The following ITPR2 variants were observed in gnomAD, a reference collection of about 807,000 sequenced individuals.
ITPR2 encodes inositol 1,4,5-trisphosphate receptor type 2, also known as inositol 1,4,5-trisphosphate-gated calcium channel ITPR2.
ITPR2 carries 207 observed loss-of-function variants against 317.1 expected under a neutral mutation model. The ratio of observed to expected loss-of-function variants is 0.65; its 90% CI spans 0.58 to 0.73. The LOEUF is 0.73. Among genes scored for constraint, ITPR2 ranks in the 30% least tolerant of loss-of-function variants. ITPR2 has a pLI of 0.00. For missense variants in ITPR2, 2,613 were observed against 3,284.0 expected (o/e 0.80, Z 4.99); for synonymous variants, 1,156 against 1,149.1 (o/e 1.01, Z -0.12).
intron 1 of ITPR2, among the ~76,000 whole-genome samples, chr12:26,813,724 C>T (rs551922487): frequency 1.3e-5 from 2 of 152,196 alleles, no homozygotes; most frequent in South Asian, 4.1e-4. Context: ...TAAAAGGACT[C>T]GGATAATTCT....
At chr12:26,722,642 T>G (rs1948856885) in intron 4 of ITPR2, 87 bp from the exon 5 acceptor site, 2 of 921,572 alleles carry the variant, frequency 2.2e-6, no homozygotes, top group African/African-American at 3.3e-5. Flanking sequence ...GTATCATATA[T>G]TCATCTAACA....
chr12:26,431,470 C>T (rs543471789), intron 48 of ITPR2, among the ~76,000 whole-genome samples: 11 of 152,266 alleles, frequency 7.2e-5, no homozygotes, highest in African/African-American at 2.2e-4. Flanking sequence ...GAGAAGCATA[C>T]CTTAAACAAA....
intron 19 of ITPR2, 132 bp from the exon 20 acceptor site, chr12:26,655,984 C>A (rs1387353929): frequency 4.6e-6 from 4 of 875,662 alleles, no homozygotes; most frequent in Non-Finnish European, 7.0e-6. Flanking sequence ...GGGTCCTCAT[C>A]TGTAAAATGG....
chr12:26,478,350 C>T (rs886160579), intron 43 of ITPR2, among the ~76,000 whole-genome samples: 8 of 151,858 alleles, frequency 5.3e-5, no homozygotes, highest in South Asian at 2.1e-4. Context: ...AAATCCACTT[C>T]GACAATCTAG....
At chr12:26,815,751 T>TA (rs1386773632) in intron 1 of ITPR2, among the ~76,000 whole-genome samples, 1 of 152,120 alleles carries the variant, frequency 6.6e-6, no homozygotes, top group African/African-American at 2.4e-5. Flanking sequence ...AAATAATAGA[T>TA]AAGGCAATAT....
At chr12:26,375,362 A>G (rs932345130) in intron 55 of ITPR2, among the ~76,000 whole-genome samples, 11 of 152,198 alleles carry the variant, frequency 7.2e-5, no homozygotes, top group African/African-American at 2.7e-4. Flanking sequence ...GCTTCCATAT[A>G]CTGAACATGT....
chr12:26,447,373 G>A (rs1157322695), intron 45 of ITPR2, among the ~76,000 whole-genome samples: 1 of 151,908 alleles, frequency 6.6e-6, no homozygotes, highest in Non-Finnish European at 1.5e-5. Flanking sequence ...AGTTATTTAT[G>A]TACTCATATG....
rs140023853 is a variant in ITPR2 at position 26,732,396 on chromosome 12, A to G, written c.164-6631T>C. Among the ~76,000 whole-genome samples, 265 of 152,312 alleles carry G rather than the reference A, an allele frequency of 1.7e-3. 1 individual carries two copies. The highest frequency in any genetic ancestry group is 3.1e-3 in the Non-Finnish European group (210 of 68,014). On this transcript the variant is annotated intron_variant, in intron 2 of 56. Coordinates refer to ENST00000381340, the MANE Select transcript of ITPR2 (RefSeq NM_002223.4). Reference sequence around the variant, plus strand: ...ATTTCCAGATTAGAATATTATAAATATGAAGAAGTTCAACCACACATAGGA... The same window carrying G: ...ATTTCCAGATTAGAATATTATAAATGTGAAGAAGTTCAACCACACATAGGA...
rs185189986 is a variant in ITPR2, at chr12:26,428,217, T to G, written c.6770-129A>C. 460 of 553,066 alleles carry G rather than the reference T, an allele frequency of 8.3e-4. 7 individuals are homozygous for G. Among genetic ancestry groups the G allele is most frequent in the Non-Finnish European group, 1.3e-4 (44 of 342,998 alleles). 34.3% of individuals were successfully genotyped at this position (553,066 alleles called of 1,614,324 possible). On this transcript the variant is annotated intron_variant, in intron 48 of 56. Coordinates refer to ENST00000381340, the MANE Select transcript of ITPR2 (RefSeq NM_002223.4). The stretch of plus-strand genomic sequence containing the variant: ...TCCAGTAAATTTCAAAATGACCCCA[T>G]CTACGTTCTTTATATTTCAAGGAAA...
At chr12:26,811,684 C>CAA (rs34379788) in intron 1 of ITPR2, among the ~76,000 whole-genome samples, 117 of 80,114 alleles carry the variant, frequency 1.5e-3, no homozygotes, top group Non-Finnish European at 1.7e-3. Context: ...GACTCTGTCT[C>CAA]AAAAAAAAAA....
intron 1 of ITPR2, among the ~76,000 whole-genome samples, chr12:26,817,546 A>G (rs1391418538): frequency 6.6e-6 from 1 of 152,120 alleles, no homozygotes; most frequent in Non-Finnish European, 1.5e-5. Flanking sequence ...TCTGCCTGCC[A>G]TTTTCAGCCT....
At chr12:26,407,487 G>T (rs888470629) in intron 52 of ITPR2, among the ~76,000 whole-genome samples, 1 of 152,110 alleles carries the variant, frequency 6.6e-6, no homozygotes, top group African/African-American at 2.4e-5. Flanking sequence ...GTCCCTGGGG[G>T]GTTGGGGTAG....
At chr12:26,437,124 G>A (rs1358089326) in intron 47 of ITPR2, among the ~76,000 whole-genome samples, 1 of 152,128 alleles carries the variant, frequency 6.6e-6, no homozygotes, top group African/African-American at 2.4e-5. Flanking sequence ...ATAACTGAAC[G>A]GATTGGTAAT....
intron 39 of ITPR2, among the ~76,000 whole-genome samples, chr12:26,488,096 T>C (rs1371851486): frequency 6.6e-6 from 1 of 152,054 alleles, no homozygotes. Context: ...GTAGGAAAGA[T>C]AACACATTCC....
chr12:26,430,642 T>A (rs894619076), intron 48 of ITPR2, among the ~76,000 whole-genome samples: 1 of 152,252 alleles, frequency 6.6e-6, no homozygotes, highest in Non-Finnish European at 1.5e-5. Flanking sequence ...TAATACTTTA[T>A]ATATGTATCC....
At chr12:26,607,409 T>C (rs746117022) in intron 26 of ITPR2, among the ~76,000 whole-genome samples, 10 of 152,230 alleles carry the variant, frequency 6.6e-5, no homozygotes, top group Admixed American at 2.6e-4. Context: ...TATTGCCTCT[T>C]TCAGATAACT....
At chr12:26,828,165 C>T (rs1443578194) in intron 1 of ITPR2, among the ~76,000 whole-genome samples, 1 of 152,148 alleles carries the variant, frequency 6.6e-6, no homozygotes, top group Non-Finnish European at 1.5e-5. Context: ...CCTGGAGCAA[C>T]AGACCTCCAA....
intron 23 of ITPR2, among the ~76,000 whole-genome samples, chr12:26,626,162 G>A (rs1218731117): frequency 5.3e-5 from 8 of 152,136 alleles, no homozygotes; most frequent in East Asian, 1.9e-4. Flanking sequence ...ACAGGGTTTC[G>A]CCATGTTGCC....
At chr12:26,664,489 A>C (rs1354416407) in intron 14 of ITPR2, among the ~76,000 whole-genome samples, 1 of 152,218 alleles carries the variant, frequency 6.6e-6, no homozygotes, top group Non-Finnish European at 1.5e-5. Flanking sequence ...GCATTGAGGA[A>C]TATAACTCTT....
Sources: gnomAD v4.1 joint callset for allele counts (sites outside exome capture counted in the v4.1 genomes callset) on GRCh38, gnomAD v4.1.1 for gene constraint, MANE v1.5 for transcripts, NCBI Gene and HGNC (gene_info 2026-07-23, HGNC 2026-07-21) for gene names.